Variants in LRRC4C observed in about 807,000 individuals in gnomAD.
LRRC4C encodes leucine-rich repeat-containing protein 4C.
Under a neutral mutation model 33.6 loss-of-function variants are expected in LRRC4C, and 5 were observed. That is an observed-to-expected ratio of 0.15 (90% CI 0.08 to 0.31). The LOEUF is 0.31. Ranked by LOEUF, LRRC4C falls within the 10% of genes least tolerant of loss-of-function variation. The probability of loss-of-function intolerance (pLI) is 1.00; values close to 1 mark genes in which losing one functional copy is unlikely to be tolerated. For synonymous variants in LRRC4C, 329 were observed against 302.0 expected, an observed-to-expected ratio of 1.09 and a Z score of -0.93; for missense variants, 560 against 796.7, an observed-to-expected ratio of 0.70 and a Z score of 3.58.
intron 3 of LRRC4C, among the ~76,000 whole-genome samples, chr11:40,472,086 G>A (rs1222844710): frequency 6.6e-6 from 1 of 151,494 alleles, no homozygotes; most frequent in African/African-American, 2.4e-5. Flanking sequence ...CATGATCCTG[G>A]CTAACATGGT....
intron 4 of LRRC4C, among the ~76,000 whole-genome samples, chr11:40,267,818 C>T (rs1565208249): frequency 6.6e-6 from 1 of 152,050 alleles, no homozygotes. Context: ...CTGGGAAATA[C>T]AGAATGAAGT....
chr11:40,963,779 C>A (rs955776556), intron 1 of LRRC4C, among the ~76,000 whole-genome samples: 1 of 151,710 alleles, frequency 6.6e-6, no homozygotes, highest in Admixed American at 6.6e-5. Flanking sequence ...AGAGATGGGG[C>A]ATCTTTCAAA....
intron 2 of LRRC4C, among the ~76,000 whole-genome samples, chr11:40,766,353 TAAAA>T (rs60152534): frequency 8.8e-5 from 3 of 33,914 alleles, no homozygotes; most frequent in African/African-American, 3.2e-4. Flanking sequence ...TTCAGTCTGT[TAAAA>T]AAAAAAAAAA....
chr11:40,494,727 A>C (rs763708876), intron 3 of LRRC4C, among the ~76,000 whole-genome samples: 14 of 152,168 alleles, frequency 9.2e-5, no homozygotes, highest in Non-Finnish European at 2.9e-5. Flanking sequence ...ATAGGAGAAG[A>C]AGCACTATTC....
chr11:40,189,632 T>C (rs572368609), intron 5 of LRRC4C, among the ~76,000 whole-genome samples: 3 of 152,306 alleles, frequency 2.0e-5, no homozygotes, highest in African/African-American at 4.8e-5. Context: ...GAAGAGACAC[T>C]GGCTAAAAGA....
intron 2 of LRRC4C, among the ~76,000 whole-genome samples, chr11:40,881,664 T>C (rs1591981540): frequency 6.6e-6 from 1 of 151,918 alleles, no homozygotes; most frequent in Non-Finnish European, 1.5e-5. Context: ...TTTTTCTTTT[T>C]TTTTTTTACT....
At chr11:40,939,722 G>A (rs757434187) in intron 1 of LRRC4C, among the ~76,000 whole-genome samples, 7 of 152,164 alleles carry the variant, frequency 4.6e-5, no homozygotes, top group Admixed American at 6.6e-5. Flanking sequence ...GCAAAGTGAA[G>A]ATGGTTGCTG....
chr11:41,391,967 T>G (rs1484247139), intron 1 of LRRC4C, among the ~76,000 whole-genome samples: 1 of 151,902 alleles, frequency 6.6e-6, no homozygotes, highest in African/African-American at 2.4e-5. Flanking sequence ...AGCAATTTGC[T>G]CAAAGTCACC....
At chr11:40,445,244 G>A (rs1009017954) in intron 3 of LRRC4C, 1 of 152,212 alleles carries the variant, frequency 6.6e-6, no homozygotes, top group Non-Finnish European at 1.5e-5. Flanking sequence ...AGAACAGTCA[G>A]GATCTGACAT....
At chr11:40,683,250 C>T (rs774060422) in intron 2 of LRRC4C, among the ~76,000 whole-genome samples, 8 of 152,218 alleles carry the variant, frequency 5.3e-5, no homozygotes, top group African/African-American at 1.2e-4. Context: ...TAGGTATGCT[C>T]GGCATCCCTT....
chr11:41,425,423 G>A (rs1312875581), intron 1 of LRRC4C, among the ~76,000 whole-genome samples: 1 of 151,964 alleles, frequency 6.6e-6, no homozygotes, highest in Non-Finnish European at 1.5e-5. Context: ...TACCGTTCTG[G>A]GCCTTGTTTT....
In LRRC4C at chr11:40,193,796, C is replaced by T. The variant is rs149558870; in HGVS notation, c.-96+47723G>A. Among the ~76,000 whole-genome samples, 442 of 152,078 alleles carry T rather than the reference C, an allele frequency of 2.9e-3. 1 individual carries two copies. Among genetic ancestry groups the T allele is most frequent in the African/African-American group, 0.01 (417 of 41,506 alleles). On this transcript the variant is annotated intron_variant, in intron 5 of 6. Coordinates refer to ENST00000528697, the MANE Select transcript of LRRC4C (RefSeq NM_001258419.2). ...TGGAGATGAAAAACACAGCACGAGA[C>T]CTTTGTGAAGCATACACAAGTATCA...
At chr11:41,387,693 A>T (rs572870516) in intron 1 of LRRC4C, among the ~76,000 whole-genome samples, 1 of 151,914 alleles carries the variant, frequency 6.6e-6, no homozygotes, top group South Asian at 2.1e-4. Flanking sequence ...ACAAAATGTT[A>T]TGGGTGACCC....
At chr11:40,913,565 T>C (rs1446666884) in intron 2 of LRRC4C, among the ~76,000 whole-genome samples, 2 of 152,076 alleles carry the variant, frequency 1.3e-5, no homozygotes, top group Non-Finnish European at 2.9e-5. Flanking sequence ...GAGGGAAATT[T>C]ATAGCACTAA....
intron 4 of LRRC4C, among the ~76,000 whole-genome samples, chr11:40,273,874 T>C (rs993619315): frequency 2.0e-5 from 3 of 152,140 alleles, no homozygotes; most frequent in Non-Finnish European, 2.9e-5. Context: ...TGGGTGTGGA[T>C]GCTGTTATGG....
rs1375957330 is a variant in LRRC4C at position 40,631,348 on chromosome 11, T to C, written c.-270+16794A>G. On this transcript the variant is annotated intron_variant, in intron 3 of 6. Transcript: ENST00000528697. The stretch of plus-strand genomic sequence containing the variant: ...ACATTCTCTTAAGATGCCAGGGAGA[T>C]GGAGGATAGGGTGAGGGTGGTGCCC... 3.9e-5 allele frequency among the ~76,000 whole-genome samples: 6 copies of C among 152,060 alleles called. 1 individual carries two copies. Among genetic ancestry groups the C allele is most frequent in the Non-Finnish European group, 8.8e-5 (6 of 68,016 alleles).
intron 1 of LRRC4C, among the ~76,000 whole-genome samples, chr11:41,227,359 A>T (rs976159798): frequency 1.3e-5 from 2 of 152,174 alleles, no homozygotes; most frequent in Non-Finnish European, 2.9e-5. Flanking sequence ...TATATGAGGT[A>T]AGAATCCAGT....
At chr11:40,251,684 A>T (rs773627652) in intron 4 of LRRC4C, among the ~76,000 whole-genome samples, 2 of 152,220 alleles carry the variant, frequency 1.3e-5, no homozygotes, top group Admixed American at 1.3e-4. Context: ...GAAGTAAAGG[A>T]TCTTCTCTCT....
chr11:41,164,160 A>T (rs1038162393), intron 1 of LRRC4C, among the ~76,000 whole-genome samples: 4 of 147,012 alleles, frequency 2.7e-5, no homozygotes, highest in Admixed American at 2.0e-4. Flanking sequence ...TTAAATCCTT[A>T]TTACATACTT....
Sources: allele counts gnomAD v4.1 joint callset (sites outside exome capture counted in the v4.1 genomes callset), GRCh38; gene constraint gnomAD v4.1.1; transcripts MANE v1.5; gene names NCBI Gene and HGNC (gene_info 2026-07-23, HGNC 2026-07-21).